The following VPS13A variants were observed in gnomAD, a reference collection of about 807,000 sequenced individuals.
The protein encoded by VPS13A is intermembrane lipid transfer protein VPS13A.
A neutral mutation model predicts 390.9 loss-of-function variants in VPS13A; 264 were observed. The observed-to-expected ratio is 0.68, with a 90% CI of 0.61 to 0.75. VPS13A has a LOEUF of 0.75. Ranked by LOEUF, VPS13A falls within the 30% of genes least tolerant of loss-of-function variation. The pLI, the probability that VPS13A is intolerant of heterozygous loss-of-function variation, is 0.00. For synonymous variants in VPS13A, 1,231 were observed against 1,227.1 expected (o/e 1.00, Z -0.07); for missense variants, 3,409 against 3,733.9 (o/e 0.91, Z 2.27).
intron 37 of VPS13A, 33 bp downstream of exon 37, chr9:77,314,697 T>C (rs984618443): frequency 3.1e-6 from 5 of 1,595,724 alleles, no homozygotes; most frequent in East Asian, 4.5e-5. Context: ...AAGGTTTTAC[T>C]TGAGAAATCG....
At chr9:77,409,373 ACT>A (rs1212900209) in intron 71 of VPS13A, among the ~76,000 whole-genome samples, 1 of 152,220 alleles carries the variant, frequency 6.6e-6, no homozygotes. Context: ...AAATCTGGAA[ACT>A]CTAAAAATCA....
chr9:77,367,217 C>G (rs919487815), intron 61 of VPS13A, among the ~76,000 whole-genome samples: 1 of 152,100 alleles, frequency 6.6e-6, no homozygotes, highest in Non-Finnish European at 1.5e-5. Flanking sequence ...GAATAAGACT[C>G]TTCAAAGCAT....
At position 77,216,222 on chromosome 9, in the gene VPS13A, T is replaced by C. The variant is rs563419952; in HGVS notation, c.754+1836T>C. Among the ~76,000 whole-genome samples, 10 of 152,302 alleles carry C rather than the reference T, an allele frequency of 6.6e-5. No homozygotes were observed. The South Asian group carries it at 1.4e-3, about 22-fold the overall frequency. ...TCTCTGCCTTCAAAGGAAACATATT[T>C]AAAGATCCCCAAATCATTTTTCAGA... is the stretch of plus-strand genomic sequence containing the variant. On this transcript the variant is annotated intron_variant, in intron 10 of 71. Coordinates refer to ENST00000360280, the MANE Select transcript of VPS13A (RefSeq NM_033305.3).
chr9:77,322,950 C>G, intron 44 of VPS13A, 117 bp from the exon 45 acceptor site: 1 of 804,794 alleles, frequency 1.2e-6, no homozygotes, highest in Admixed American at 2.5e-5. Flanking sequence ...TCCAAAGACT[C>G]TAGTGACTAT....
At chr9:77,297,407 C>T (rs1318541892) in intron 33 of VPS13A, among the ~76,000 whole-genome samples, 2 of 152,042 alleles carry the variant, frequency 1.3e-5, no homozygotes, top group African/African-American at 2.4e-5. Context: ...TGGCCTTCCC[C>T]TGGGTCCCCC....
chr9:77,189,571 T>A (rs1197722387), intron 1 of VPS13A, among the ~76,000 whole-genome samples: 1 of 152,168 alleles, frequency 6.6e-6, no homozygotes, highest in Non-Finnish European at 1.5e-5. Context: ...TTAGGGTTGC[T>A]TTGGCTATTC....
In VPS13A at chr9:77,220,276, G is replaced by C. The variant is rs754192137; in HGVS notation, c.883-1G>C. 6.2e-7 allele frequency: 1 copy of C among 1,608,656 alleles called. No homozygotes were observed. The highest frequency in any genetic ancestry group is 8.5e-7 in the Non-Finnish European group (1 of 1,176,788). On this transcript the variant is annotated splice_acceptor_variant, in intron 11 of 71. Coordinates refer to ENST00000360280, the MANE Select transcript of VPS13A (RefSeq NM_033305.3). LOFTEE classifies it high-confidence loss of function. ...AAGAGCTTTAATTTTCCATTCTTTA[G>C]TATTTCAGTATTATGGAGCTTCTTG...
At chr9:77,378,166 C>G (rs1448899065) in intron 67 of VPS13A, among the ~76,000 whole-genome samples, 1 of 151,888 alleles carries the variant, frequency 6.6e-6, no homozygotes, top group Non-Finnish European at 1.5e-5. Flanking sequence ...TAATATTGTC[C>G]TCACAGAATG....
intron 31 of VPS13A, among the ~76,000 whole-genome samples, chr9:77,291,531 A>G (rs1484278490): frequency 2.0e-5 from 3 of 152,116 alleles, no homozygotes; most frequent in Non-Finnish European, 4.4e-5. Flanking sequence ...CCTTCACTAC[A>G]TTACTGCTTC....
At chr9:77,267,004 C>T (rs1029045416) in intron 23 of VPS13A, among the ~76,000 whole-genome samples, 1 of 151,926 alleles carries the variant, frequency 6.6e-6, no homozygotes, top group African/African-American at 2.4e-5. Flanking sequence ...TGTGTTTTCC[C>T]ACTCCATCAG....
At chr9:77,365,621 A>G (rs781165682) in intron 60 of VPS13A, 48 bp downstream of exon 60, 1 of 1,150,534 alleles carries the variant, frequency 8.7e-7, no homozygotes, top group South Asian at 1.3e-5. Flanking sequence ...GGTAATAGCA[A>G]ATTGATGTAG....
chr9:77,321,840 T>C, intron 44 of VPS13A, 94 bp downstream of exon 44: 1 of 1,483,244 alleles, frequency 6.7e-7, no homozygotes, highest in South Asian at 1.2e-5. Flanking sequence ...TAGCAAGGTT[T>C]TTTTTGTTTT....
intron 16 of VPS13A, 96 bp downstream of exon 16, chr9:77,227,581 G>T (rs1401884224): frequency 1.1e-6 from 1 of 951,066 alleles, no homozygotes. Flanking sequence ...GGACTGCAGT[G>T]GTGTGATCTC....
intron 9 of VPS13A, among the ~76,000 whole-genome samples, chr9:77,213,564 A>G (rs1329708603): frequency 1.3e-5 from 2 of 149,440 alleles, no homozygotes; most frequent in African/African-American, 5.0e-5. Context: ...TGGCACGATT[A>G]TAGCTCACTG....
intron 7 of VPS13A, among the ~76,000 whole-genome samples, chr9:77,212,638 A>G (rs1826033394): frequency 6.6e-6 from 1 of 152,138 alleles, no homozygotes; most frequent in Admixed American, 6.5e-5. Flanking sequence ...ACCCAATGAT[A>G]CCTGCAAATC....
rs377567057 is a variant in VPS13A at position 77,364,340 on chromosome 9, G to A, written c.8212-1120G>A. ...CTCAGGAGGCTGAGGCAGGAGAATTGCTTGAACCCAGGAGGCACAAGTTGC... is the reference window on the plus strand; with the variant it reads ...CTCAGGAGGCTGAGGCAGGAGAATTACTTGAACCCAGGAGGCACAAGTTGC... On this transcript the variant is annotated intron_variant, in intron 59 of 71. Coordinates refer to ENST00000360280, the MANE Select transcript of VPS13A (RefSeq NM_033305.3). Among the ~76,000 whole-genome samples the A allele has an allele frequency of 3.9e-5, 6 of 152,148 alleles. No individual in the cohort carries two copies. The East Asian group carries it at 9.7e-4, about 25-fold the overall frequency.
intron 61 of VPS13A, 60 bp from the exon 62 acceptor site, chr9:77,367,995 A>T: frequency 7.1e-7 from 1 of 1,400,240 alleles, no homozygotes; most frequent in Non-Finnish European, 9.9e-7. Context: ...CCACTCATTA[A>T]TATTAAAAAT....
chr9:77,350,977 G>A (rs551672378), intron 52 of VPS13A: 1 of 275,058 alleles, frequency 3.6e-6, no homozygotes, highest in African/African-American at 2.3e-5. Context: ...TTAGGAAAGA[G>A]TTACCAATTA....
At chr9:77,382,566 G>T in intron 68 of VPS13A, 2 of 1,138,798 alleles carry the variant, frequency 1.8e-6, no homozygotes, top group Non-Finnish European at 2.2e-6. Flanking sequence ...TTTCTGTTGT[G>T]GGGTTATTAA....
Sources: allele counts gnomAD v4.1 joint callset (sites outside exome capture counted in the v4.1 genomes callset), GRCh38; gene constraint gnomAD v4.1.1; transcripts MANE v1.5; gene names NCBI Gene and HGNC (gene_info 2026-07-23, HGNC 2026-07-21).